RBM12B: variants seen among roughly 807,000 people sequenced by gnomAD.
The protein encoded by RBM12B is RNA binding motif protein 12B.
RBM12B carries 10 observed loss-of-function variants against 34.3 expected under a neutral mutation model. The ratio of observed to expected loss-of-function variants is 0.29; its 90% CI spans 0.18 to 0.49. The LOEUF (loss-of-function observed/expected upper bound fraction) is 0.49, where lower values mean the gene tolerates loss of function less well. Ranked by LOEUF, RBM12B falls within the 20% of genes least tolerant of loss-of-function variation. RBM12B has a pLI of 0.99. For missense variants in RBM12B, 1,139 were observed against 1,262.7 expected, an observed-to-expected ratio of 0.90 and a Z score of 1.48; for synonymous variants, 477 against 437.1, an observed-to-expected ratio of 1.09 and a Z score of -1.14.
Position 93,735,658 on chromosome 8 carries a change from T to C in RBM12B, c.753A>G (p.Glu251=), listed in dbSNP as rs1563662705. Residue 251 remains glutamate (E), a synonymous_variant, in exon 4 of 4, where the codon GAA becomes GAG. Transcript: ENST00000520560. ...TAATTCCTCTTGGTGGAGAATGTTC[T>C]TCAGATCTCCTAAGAACGTCACCCT... ...VKEGDVLRRS[E]EHSPPRGIND... is the part of the protein sequence containing the mutation. 2 of 1,614,138 alleles carry C rather than the reference T, an allele frequency of 1.2e-6. No homozygotes were observed. Among genetic ancestry groups the C allele is most frequent in the Non-Finnish European group, 1.7e-6 (2 of 1,179,994 alleles).
intron 2 of RBM12B, among the ~76,000 whole-genome samples, chr8:93,738,799 C>G (rs1563664831): frequency 6.6e-6 from 1 of 152,102 alleles, no homozygotes; most frequent in Non-Finnish European, 1.5e-5. Context: ...ATAAATGTTG[C>G]GTTAATCCAG....
chr8:93,737,807 C>CA (rs78204688), intron 2 of RBM12B, among the ~76,000 whole-genome samples: 1,973 of 100,224 alleles, frequency 0.02, 28 homozygotes, highest in Non-Finnish European at 0.031. Flanking sequence ...ACCCAAAGTT[C>CA]AAAAAAAAAA....
chr8:93,735,604 A>G lies in RBM12B; in HGVS notation c.807T>C (p.His269=). The part of the protein sequence containing the change: ...INDRHFRKRS[H]SKSPRRTRSR... ...AACGTGTTCTTCTGGGAGATTTTGA[A>G]TGAGACCGTTTTCGAAAATGTCTAT... is the stretch of plus-strand genomic sequence containing the variant. The change falls in exon 4 of 4, where the codon CAT becomes CAC. Residue 269 remains histidine (H), a synonymous_variant. Coordinates refer to ENST00000520560, the MANE Select transcript of RBM12B (RefSeq NM_001377960.1). 5.0e-6 allele frequency: 8 copies of G among 1,614,178 alleles called. No individual in the cohort carries two copies. The highest frequency in any genetic ancestry group is 6.8e-6 in the Non-Finnish European group (8 of 1,180,022).
rs1254258237 is a variant in RBM12B, at chr8:93,734,641, A to T, written c.1770T>A (p.Pro590=). The change falls in exon 4 of 4, where the codon CCT becomes CCA. Residue 590 remains proline (P), a synonymous_variant. Coordinates refer to ENST00000520560, the MANE Select transcript of RBM12B (RefSeq NM_001377960.1). ...AAGGGCGCCTGAAGTCCTCCTCAGAAGGCCGCCTGAAGTCTTCCTCCCTAG... is the reference window on the plus strand; with the variant it reads ...AAGGGCGCCTGAAGTCCTCCTCAGATGGCCGCCTGAAGTCTTCCTCCCTAG... ...RRPREEDFRR[P]SEEDFRRPWE... 1 of 1,608,054 alleles carries T rather than the reference A, an allele frequency of 6.2e-7. No individual in the cohort carries two copies. The highest frequency in any genetic ancestry group is 8.5e-7 in the Non-Finnish European group (1 of 1,177,868).
chr8:93,739,251 T>G (rs550912709), intron 2 of RBM12B: 1 of 152,178 alleles, frequency 6.6e-6, no homozygotes, highest in African/African-American at 2.4e-5. Flanking sequence ...GAACATAAAT[T>G]CATCTACAAG....
chr8:93,733,698 T>C lies in RBM12B; in HGVS notation c.2713A>G (p.Ser905Gly). The C allele has an allele frequency of 6.2e-7, 1 of 1,614,088 alleles. No homozygotes were observed. The highest frequency in any genetic ancestry group is 2.2e-5 in the East Asian group (1 of 44,888). The stretch of plus-strand genomic sequence containing the variant: ...GGCATAAATCTCCCCTCAGGAAAAC[T>C]TCCCATATTATGCTTTCCAAAATCA... ...KFDFGKHNMG[S>G]FPEGRFMPDP... The change falls in exon 4 of 4, where the codon AGT becomes GGT. Residue 905 changes from serine to glycine, a missense_variant. By Grantham distance (56) the Ser-to-Gly change is moderately conservative (BLOSUM62 0). Transcript: ENST00000520560.
rs1347094554 is a variant in RBM12B at position 93,740,290 on chromosome 8, T to C, written c.-78+339A>G. 3 of 456,990 alleles carry C rather than the reference T, an allele frequency of 6.6e-6. No individual in the cohort carries two copies. In the Admixed American group the frequency reaches 7.0e-5, roughly 11 times the overall value. 28.3% of individuals were successfully genotyped at this position (456,990 alleles called of 1,614,324 possible). ...TTCTCCCAACATCCTCAAACGGGAA[T>C]CATCCGAAGGCATCGATTCTACAGC... is the stretch of plus-strand genomic sequence containing the variant. On this transcript the variant is annotated intron_variant, in intron 2 of 3. Transcript: ENST00000520560.
At position 93,733,595 on chromosome 8, in the gene RBM12B, T is replaced by C; in HGVS notation, c.2816A>G (p.Asn939Ser). The change falls in exon 4 of 4, where the codon AAT becomes AGT. Residue 939 changes from asparagine to serine, a missense_variant. This residue lies in a region of RBM12B where 60 missense variants were observed against 101.0 expected (regional missense o/e 0.59). Coordinates refer to ENST00000520560, the MANE Select transcript of RBM12B (RefSeq NM_001377960.1). The stretch of plus-strand genomic sequence containing the variant: ...ACCATGGAAAAAGTCTAAAATTTCA[T>C]TCACATTAGCTTTAAATGGAAGATT... ...IMNLPFKANV[N>S]EILDFFHGYR... 3 of 1,613,566 alleles carry C rather than the reference T, an allele frequency of 1.9e-6. No individual in the cohort carries two copies. Among genetic ancestry groups the C allele is most frequent in the Non-Finnish European group, 2.5e-6 (3 of 1,179,624 alleles).
At chr8:93,738,187 A>ACAATT (rs1812080900) in intron 2 of RBM12B, among the ~76,000 whole-genome samples, 1 of 152,228 alleles carries the variant, frequency 6.6e-6, no homozygotes, top group Non-Finnish European at 1.5e-5. Context: ...AGTAACTGTT[A>ACAATT]CAATTCATCT....
chr8:93,734,547 GCCT>G lies in RBM12B; in HGVS notation c.1861_1863del (p.Arg621del). The G allele has an allele frequency of 6.2e-7, 1 of 1,613,364 alleles. No homozygotes were observed. The highest frequency in any genetic ancestry group is 1.1e-5 in the South Asian group (1 of 91,008). ...GGCCGCCTCCAGTCCTCCTCAAGGG[GCCT>G]CCTCCAGTCCTCCTCCCTAGGGTGC... On this transcript the variant is annotated inframe_deletion, in exon 4 of 4. Transcript: ENST00000520560.
rs746120075 is a variant in RBM12B, at chr8:93,735,883, A to G, written c.528T>C (p.Ser176=). 3 of 1,614,132 alleles carry G rather than the reference A, an allele frequency of 1.9e-6. No homozygotes were observed. The highest frequency in any genetic ancestry group is 2.5e-6 in the Non-Finnish European group (3 of 1,180,020). The change falls in exon 4 of 4, where the codon TCT becomes TCC. Residue 176 remains serine, a synonymous_variant. Coordinates refer to ENST00000520560, the MANE Select transcript of RBM12B (RefSeq NM_001377960.1). ...VNEDDVRVFF[S]GLCVDGVIFL... is the part of the protein sequence containing the mutation. ...AAATTACTCCATCCACGCACAAACC[A>G]GAGAAAAAGACACGTACATCATCTT... is the stretch of plus-strand genomic sequence containing the variant.
At chr8:93,740,435 A>C (rs898711098) in intron 2 of RBM12B, 194 bp downstream of exon 2, 4 of 457,206 alleles carry the variant, frequency 8.7e-6, no homozygotes, top group African/African-American at 6.0e-5. Context: ...CCTTCAAATT[A>C]ACCTGGACCG....
At position 93,740,635 on chromosome 8, in the gene RBM12B, A is replaced by C; in HGVS notation, c.-84T>G. 2 of 361,496 alleles carry C rather than the reference A, an allele frequency of 5.5e-6. No homozygotes were observed. Among genetic ancestry groups the C allele is most frequent in the Non-Finnish European group, 1.1e-5 (2 of 178,924 alleles). 22.4% of individuals were successfully genotyped at this position (361,496 alleles called of 1,614,324 possible). ...AGCAAAGAAAAAAATATACCTATGAAATCCTTCGAGATCTTCACTCTCAAG... is the reference window on the plus strand; with the variant it reads ...AGCAAAGAAAAAAATATACCTATGACATCCTTCGAGATCTTCACTCTCAAG... On this transcript the variant is annotated 5_prime_UTR_variant, in exon 2 of 4. The change creates a new upstream start codon in the 5' untranslated region. Transcript: ENST00000520560.
At chr8:93,740,474 G>T (rs1167716681) in intron 2 of RBM12B, 155 bp downstream of exon 2, 1 of 457,188 alleles carries the variant, frequency 2.2e-6, no homozygotes, top group South Asian at 1.5e-5. Context: ...CCGTTACGCC[G>T]TCTCAAGGGC....
rs749148925 is a variant in RBM12B, at chr8:93,735,520, T to C, written c.891A>G (p.Glu297=). The change falls in exon 4 of 4, where the codon GAA becomes GAG. Residue 297 remains glutamate, a synonymous_variant. Coordinates refer to ENST00000520560, the MANE Select transcript of RBM12B (RefSeq NM_001377960.1). ...HLKNLSLSID[E]RDLRNFFRGT... Reference sequence around the variant, plus strand: ...CTCTAAAGAAATTTCTTAAATCTCTTTCGTCAATACTGAGGGACAGATTTT... The same window carrying C: ...CTCTAAAGAAATTTCTTAAATCTCTCTCGTCAATACTGAGGGACAGATTTT... 4 of 1,613,952 alleles carry C rather than the reference T, an allele frequency of 2.5e-6. No homozygotes were observed. The highest frequency in any genetic ancestry group is 3.4e-6 in the Non-Finnish European group (4 of 1,179,930).
chr8:93,740,173 G>C (rs573676931), intron 2 of RBM12B: 65 of 383,744 alleles, frequency 1.7e-4, no homozygotes, highest in Non-Finnish European at 2.4e-4. Context: ...TTATAATGTA[G>C]ATGTTTAAAA....
Position 93,735,299 on chromosome 8 carries a change from T to A in RBM12B, c.1112A>T (p.Glu371Val). 3 of 1,614,036 alleles carry A rather than the reference T, an allele frequency of 1.9e-6. No homozygotes were observed. Among genetic ancestry groups the A allele is most frequent in the Non-Finnish European group, 2.5e-6 (3 of 1,180,010 alleles). The change falls in exon 4 of 4, where the codon GAA becomes GTA. Residue 371 changes from glutamate (E) to valine (V), a missense_variant. By Grantham distance (121) the Glu-to-Val change is moderately radical (BLOSUM62 -2). Transcript: ENST00000520560. ...KQMLKFIARY[E>V]KKRSGSLERD... Reference sequence around the variant, plus strand: ...CTCTAGTGACCCTGATCTCTTCTTTTCATAACGTGCAATGAACTTCAGCAT... The same window carrying A: ...CTCTAGTGACCCTGATCTCTTCTTTACATAACGTGCAATGAACTTCAGCAT...
At position 93,735,266 on chromosome 8, in the gene RBM12B, C is replaced by G. The variant is rs1411257614; in HGVS notation, c.1145G>C (p.Arg382Thr). Residue 382 changes from arginine (R) to threonine (T), a missense_variant, in exon 4 of 4, where the codon AGG becomes ACG. Arg to Thr is a moderately conservative substitution (Grantham distance 71, BLOSUM62 -1). This residue lies in a region of RBM12B where 863 missense variants were observed against 869.5 expected (regional missense o/e 0.99). Coordinates refer to ENST00000520560, the MANE Select transcript of RBM12B (RefSeq NM_001377960.1). ...GTATTTTTGTGAAACATGTCCGGGC[C>G]TATCTCTCTCTAGTGACCCTGATCT... ...KKRSGSLERD[R>T]PGHVSQKYSQ... is the part of the protein sequence containing the mutation. 1 of 1,613,498 alleles carries G rather than the reference C, an allele frequency of 6.2e-7. No homozygotes were observed. Among genetic ancestry groups the G allele is most frequent in the Non-Finnish European group, 8.5e-7 (1 of 1,179,660 alleles).
chr8:93,731,723 A>G lies in RBM12B; in HGVS notation c.*1682T>C, dbSNP rs1055307073. On this transcript the variant is annotated 3_prime_UTR_variant, in exon 4 of 4. Coordinates refer to ENST00000520560, the MANE Select transcript of RBM12B (RefSeq NM_001377960.1). ...TAAATTTAATTGTATTATTTACTCA[A>G]TGGGGAAAATCTGGATTACAGAACT... The G allele has an allele frequency of 3.4e-4, 52 of 152,706 alleles. No individual in the cohort carries two copies. Among genetic ancestry groups the G allele is most frequent in the African/African-American group, 1.2e-3 (50 of 41,580 alleles). 9.5% of individuals were successfully genotyped at this position (152,706 alleles called of 1,614,324 possible). A position where few individuals can be genotyped will look rare whatever the true frequency, so the allele number is the denominator to read the frequency against.
Sources: gnomAD v4.1 joint callset for allele counts (sites outside exome capture counted in the v4.1 genomes callset) on GRCh38, gnomAD v4.1.1 for gene constraint, gnomAD v4.1.1 regional missense constraint, MANE v1.5 for transcripts, NCBI Gene and HGNC (gene_info 2026-07-23, HGNC 2026-07-21) for gene names.